The following PPT1 variants were observed in gnomAD, a reference collection of about 807,000 sequenced individuals.
PPT1 encodes the protein ceroid-palmitoyl-palmitoyl-protein thioesterase 1.
Under a neutral mutation model 44.0 loss-of-function variants are expected in PPT1, and 24 were observed. The ratio of observed to expected loss-of-function variants is 0.54; its 90% confidence interval spans 0.39 to 0.77. The LOEUF is 0.77. Among genes scored for constraint, PPT1 ranks in the 30% least tolerant of loss-of-function variants. The pLI, the probability that PPT1 is intolerant of heterozygous loss-of-function variation, is 0.00. For synonymous variants in PPT1, 148 were observed against 140.2 expected (o/e 1.06, Z -0.39); for missense variants, 341 against 378.8 (o/e 0.90, Z 0.83).
At position 40,089,517 on chromosome 1, in the gene PPT1, A is replaced by G; in HGVS notation, c.434-5T>C. The G allele has an allele frequency of 1.9e-6, 3 of 1,605,054 alleles. No homozygotes were observed. Among genetic ancestry groups the G allele is most frequent in the Non-Finnish European group, 2.6e-6 (3 of 1,171,674 alleles). On this transcript the variant is annotated splice_region_variant and splice_polypyrimidine_tract_variant and intron_variant, in intron 4 of 8. Transcript: ENST00000642050. ...ATCGAGGGAGTCCAAAAACACCTACAGTGGTAGATGACAAATATCCACTCC... is the reference window on the plus strand; with the variant it reads ...ATCGAGGGAGTCCAAAAACACCTACGGTGGTAGATGACAAATATCCACTCC...
chr1:40,076,171 G>C lies in PPT1; in HGVS notation c.798+671C>G, dbSNP rs16826867. On this transcript the variant is annotated intron_variant, in intron 8 of 8. Coordinates refer to ENST00000642050, the MANE Select transcript of PPT1 (RefSeq NM_000310.4). ...ATTTCACATCTATTAATGTTTAAAA[G>C]TAATGTCCCTTGGCCAGGCGCACTG... Among the ~76,000 whole-genome samples, 228 of 151,706 alleles carry C rather than the reference G, an allele frequency of 1.5e-3. 6 individuals are homozygous for C. The East Asian group carries it at 0.042, about 28-fold the overall frequency.
At chr1:40,092,624 G>A in intron 1 of PPT1, 117 bp from the exon 2 acceptor site, 1 of 847,944 alleles carries the variant, frequency 1.2e-6, no homozygotes, top group Admixed American at 1.8e-5. Context: ...TAGAATGGAA[G>A]AAAATATTTG....
chr1:40,088,528 C>G (rs1277356215), intron 5 of PPT1, among the ~76,000 whole-genome samples: 1 of 152,160 alleles, frequency 6.6e-6, no homozygotes, highest in Non-Finnish European at 1.5e-5. Flanking sequence ...TTGGAACCAA[C>G]TGAACAAGCA....
intron 3 of PPT1, 134 bp downstream of exon 3, chr1:40,091,911 T>C (rs1557713817): frequency 8.7e-7 from 1 of 1,151,764 alleles, no homozygotes. Flanking sequence ...TAAAGCTTCT[T>C]ACACAGGAAC....
At chr1:40,086,457 A>G (rs533358165) in intron 5 of PPT1, among the ~76,000 whole-genome samples, 5 of 152,286 alleles carry the variant, frequency 3.3e-5, no homozygotes, top group African/African-American at 1.2e-4. Flanking sequence ...TGCTAAGGTT[A>G]AGTTATCTGA....
At chr1:40,089,698 T>C in intron 4 of PPT1, 186 bp from the exon 5 acceptor site, 1 of 668,648 alleles carries the variant, frequency 1.5e-6, no homozygotes. Flanking sequence ...TGCTACACTC[T>C]TTCCTGCCTA....
At chr1:40,093,507 C>T (rs564319757) in intron 1 of PPT1, among the ~76,000 whole-genome samples, 2 of 152,294 alleles carry the variant, frequency 1.3e-5, no homozygotes, top group East Asian at 3.9e-4. Flanking sequence ...GTTAACTTTA[C>T]ATGAATTTTT....
chr1:40,096,955 T>C, intron 1 of PPT1, 160 bp downstream of exon 1: 1 of 1,327,776 alleles, frequency 7.5e-7, no homozygotes, highest in Non-Finnish European at 1.1e-6. Flanking sequence ...CTCCTTCCCC[T>C]TCTCTCTTTC....
Position 40,080,430 on chromosome 1 carries a change from G to A in PPT1, c.594C>T (p.His198=), listed in dbSNP as rs373332797. ...GATTTATATCTGCCAAGAAGATGCT[G>A]TGGTTGCGATACACATCCTCCTTTA... ...DPIKEDVYRN[H]SIFLADINQE... is the part of the protein sequence containing the mutation. The change falls in exon 6 of 9, where the codon CAC becomes CAT. Residue 198 remains histidine (H), a synonymous_variant. Transcript: ENST00000642050. The A allele has an allele frequency of 3.1e-6, 5 of 1,614,070 alleles. 1 individual carries two copies. In the South Asian group the frequency reaches 5.5e-5, roughly 18 times the overall value.
downstream of PPT1, chr1:40,071,888 C>T (rs1648109930): frequency 2.3e-6 from 1 of 438,366 alleles, no homozygotes; most frequent in Non-Finnish European, 4.0e-6. Flanking sequence ...CTGGAATTAA[C>T]AGATCAGAAT....
intron 7 of PPT1, among the ~76,000 whole-genome samples, chr1:40,077,635 T>C (rs75941870): frequency 0.014 from 2,120 of 152,300 alleles, 53 homozygotes; most frequent in African/African-American, 0.049. Flanking sequence ...GGCCAATCCC[T>C]GGTGGTGTGA....
chr1:40,095,766 T>C (rs1208377708), intron 1 of PPT1, among the ~76,000 whole-genome samples: 1 of 152,212 alleles, frequency 6.6e-6, no homozygotes, highest in Non-Finnish European at 1.5e-5. Context: ...GTTTAAATTA[T>C]TGCAATAGTT....
chr1:40,090,982 A>G (rs1455165437), intron 4 of PPT1, among the ~76,000 whole-genome samples: 1 of 152,244 alleles, frequency 6.6e-6, no homozygotes, highest in Non-Finnish European at 1.5e-5. Flanking sequence ...TCTTTGCCTA[A>G]GCCTAAATTC....
At position 40,076,922 on chromosome 1, in the gene PPT1, G is replaced by A. The variant is rs1205011135; in HGVS notation, c.727-9C>T. 6.2e-7 allele frequency: 1 copy of A among 1,614,098 alleles called. No homozygotes were observed. Among genetic ancestry groups the A allele is most frequent in the Admixed American group, 1.7e-5 (1 of 60,026 alleles). On this transcript the variant is annotated splice_polypyrimidine_tract_variant and intron_variant, in intron 7 of 8. Transcript: ENST00000642050. ...CTGTAAAATCCAAACCACTGCAGAA[G>A]AAGCAAAGGAAAGAAGCTCAGATAT...
chr1:40,071,877 C>A, downstream of PPT1: 1 of 439,506 alleles, frequency 2.3e-6, no homozygotes, highest in South Asian at 6.6e-5. Context: ...GAAAACAGTC[C>A]CTGGAATTAA....
intron 6 of PPT1, 143 bp downstream of exon 6, chr1:40,080,254 C>T (rs1336022521): frequency 1.2e-6 from 1 of 855,636 alleles, no homozygotes; most frequent in Non-Finnish European, 2.0e-6. Flanking sequence ...ATCTCAAAGG[C>T]CCTGCCTCCC....
At position 40,073,719 on chromosome 1, in the gene PPT1, G is replaced by GGT. The variant is rs1481368472; in HGVS notation, c.*341_*342insAC. On this transcript the variant is annotated 3_prime_UTR_variant, in exon 9 of 9. Coordinates refer to ENST00000642050, the MANE Select transcript of PPT1 (RefSeq NM_000310.4). ...AGACTTGGAAAAATGTTTGCCCTTA[G>GGT]AATCTATCTCACTACTTTAGTTAGT... 12 of 280,780 alleles carry GGT rather than the reference G, an allele frequency of 4.3e-5. No individual in the cohort carries two copies. Among genetic ancestry groups the GGT allele is most frequent in the Non-Finnish European group, 7.6e-5 (11 of 143,890 alleles). The allele number at this position is 280,780 out of a possible 1,614,324, so 17.4% of individuals were successfully genotyped here. A position where few individuals can be genotyped will look rare whatever the true frequency, so the allele number is the denominator to read the frequency against.
Position 40,073,871 on chromosome 1 carries a change from C to T in PPT1, c.*190G>A, listed in dbSNP as rs1248961325. ...ATGGTAATTAAACTTGCATTCAACA[C>T]CATATGGTAACAGAAGATGGCAAAG... is the stretch of plus-strand genomic sequence containing the variant. On this transcript the variant is annotated 3_prime_UTR_variant, in exon 9 of 9. Coordinates refer to ENST00000642050, the MANE Select transcript of PPT1 (RefSeq NM_000310.4). 2.5e-6 allele frequency: 2 copies of T among 790,684 alleles called. No homozygotes were observed. Among genetic ancestry groups the T allele is most frequent in the African/African-American group, 3.5e-5 (2 of 57,894 alleles). 49.0% of individuals were successfully genotyped at this position (790,684 alleles called of 1,614,324 possible).
rs766489334 is a variant in PPT1, at chr1:40,092,462, A to T, written c.170T>A (p.Met57Lys). 8 of 1,613,844 alleles carry T rather than the reference A, an allele frequency of 5.0e-6. No individual in the cohort carries two copies. In the South Asian group the frequency reaches 8.8e-5, roughly 18 times the overall value. The change falls in exon 2 of 9, where the codon ATG becomes AAG. Residue 57 changes from methionine to lysine, a missense_variant. Physicochemically the swap from Met to Lys is moderately conservative, Grantham distance 95. Transcript: ENST00000642050. ...NPLSMGAIKK[M>K]VEKKIPGIYV... is the part of the protein sequence containing the mutation. ...AATTCCAGGTATTTTCTTCTCCACC[A>T]TTTTTTTAATAGCACCCATGCTTAA...
Sources: gnomAD v4.1 joint callset for allele counts (sites outside exome capture counted in the v4.1 genomes callset) on GRCh38, gnomAD v4.1.1 for gene constraint, MANE v1.5 for transcripts, NCBI Gene and HGNC (gene_info 2026-07-23, HGNC 2026-07-21) for gene names.